The following IL15 variants were observed in gnomAD, a reference collection of about 807,000 sequenced individuals.
The protein encoded by IL15 is interleukin 15, also known as interleukin-15.
In IL15, 11 loss-of-function variants were observed where a neutral mutation model predicts 19.6. The ratio of observed to expected loss-of-function variants is 0.56; its 90% CI spans 0.35 to 0.93. IL15 has a LOEUF of 0.93. Ranked by LOEUF, IL15 falls within the 40% of genes least tolerant of loss-of-function variation. The pLI is 0.01. For synonymous variants in IL15, 58 were observed against 59.6 expected (o/e 0.97, Z 0.12); for missense variants, 197 against 186.5 (o/e 1.06, Z -0.33).
Position 141,721,290 on chromosome 4 carries a change from T to G in IL15, c.111-634T>G, listed in dbSNP as rs1050270661. Reference sequence around the variant, plus strand: ...GCTCTAAGCATCATTCCAATGTTACTTGGTCAGTATAAGTGTATTTTGTCT... The same window carrying G: ...GCTCTAAGCATCATTCCAATGTTACGTGGTCAGTATAAGTGTATTTTGTCT... On this transcript the variant is annotated intron_variant, in intron 4 of 7. Transcript: ENST00000320650. 4.1e-5 allele frequency: 28 copies of G among 682,226 alleles called. No homozygotes were observed. The East Asian group carries it at 7.5e-4, about 18-fold the overall frequency. The allele number at this position is 682,226 out of a possible 1,614,324, so 42.3% of individuals were successfully genotyped here. A position where few individuals can be genotyped will look rare whatever the true frequency, so the allele number is the denominator to read the frequency against.
At chr4:141,710,840 A>G (rs1024422904) in intron 2 of IL15, among the ~76,000 whole-genome samples, 1 of 152,106 alleles carries the variant, frequency 6.6e-6, no homozygotes, top group Admixed American at 6.6e-5. Context: ...ATTAATTAGC[A>G]TAAGTGTATT....
intron 1 of IL15, among the ~76,000 whole-genome samples, chr4:141,638,378 C>T (rs1726931237): frequency 6.6e-6 from 1 of 152,184 alleles, no homozygotes; most frequent in Non-Finnish European, 1.5e-5. Flanking sequence ...GTCTCTCCTG[C>T]AGTATCATCT....
At chr4:141,726,612 A>G (rs966733292) in intron 5 of IL15, among the ~76,000 whole-genome samples, 1 of 152,318 alleles carries the variant, frequency 6.6e-6, no homozygotes, top group South Asian at 2.1e-4. Context: ...TCCTTGATAA[A>G]TGAAAACTAC....
intron 2 of IL15, among the ~76,000 whole-genome samples, chr4:141,675,110 AT>A (rs1728298958): frequency 6.6e-6 from 1 of 152,124 alleles, no homozygotes; most frequent in Admixed American, 6.5e-5. Flanking sequence ...TTTTTTAAAA[AT>A]AATTATATTG....
At chr4:141,653,185 TAAAAA>T (rs1578991170) in intron 1 of IL15, among the ~76,000 whole-genome samples, 1 of 152,114 alleles carries the variant, frequency 6.6e-6, no homozygotes, top group Admixed American at 6.5e-5. Context: ...ATAATTCAAT[TAAAAA>T]AATTATTTAC....
intron 2 of IL15, among the ~76,000 whole-genome samples, chr4:141,680,766 A>G (rs541322320): frequency 6.6e-6 from 1 of 152,308 alleles, no homozygotes; most frequent in African/African-American, 2.4e-5. Context: ...ACTGTACACT[A>G]GAGCCAAGTT....
At chr4:141,691,404 TC>T (rs1728906994) in intron 2 of IL15, among the ~76,000 whole-genome samples, 1 of 151,970 alleles carries the variant, frequency 6.6e-6, no homozygotes, top group East Asian at 1.9e-4. Context: ...TTCCCAACAC[TC>T]CCCCAATGTG....
chr4:141,731,663 T>C (rs1347865954), intron 7 of IL15, among the ~76,000 whole-genome samples: 1 of 152,184 alleles, frequency 6.6e-6, no homozygotes, highest in African/African-American at 2.4e-5. Context: ...TCAGTTGAGA[T>C]GAGTCAATAT....
At chr4:141,656,047 C>T (rs1727582185) in intron 1 of IL15, 139 bp from the exon 2 acceptor site, 2 of 393,762 alleles carry the variant, frequency 5.1e-6, no homozygotes, top group South Asian at 1.4e-4. Flanking sequence ...TCAGTCTTGA[C>T]TTATGCAGTT....
chr4:141,687,927 G>A (rs1017686500), intron 2 of IL15, among the ~76,000 whole-genome samples: 4 of 152,118 alleles, frequency 2.6e-5, no homozygotes, highest in Admixed American at 2.6e-4. Flanking sequence ...AGTGGATACC[G>A]TTCTGTGTCC....
chr4:141,704,666 G>T (rs1202011351), intron 2 of IL15: 4 of 272,282 alleles, frequency 1.5e-5, no homozygotes, highest in Non-Finnish European at 3.0e-5. Flanking sequence ...GAAGCTTTCA[G>T]GTCCTGGTCT....
rs940243134 is a variant in IL15 at position 141,719,386 on chromosome 4, G to A, written c.-79G>A. 6 of 729,292 alleles carry A rather than the reference G, an allele frequency of 8.2e-6. No individual in the cohort carries two copies. Among genetic ancestry groups the A allele is most frequent in the Non-Finnish European group, 1.5e-5 (6 of 399,698 alleles). 45.2% of individuals were successfully genotyped at this position (729,292 alleles called of 1,614,324 possible). A position where few individuals can be genotyped will look rare whatever the true frequency, so the allele number is the denominator to read the frequency against. ...CCTAGATTGTATTGTAGGAGGCATT[G>A]TGGATGGATGGCTGCTGGAAACCCC... On this transcript the variant is annotated 5_prime_UTR_variant, in exon 3 of 8. The change creates a new upstream start codon in the 5' untranslated region. Coordinates refer to ENST00000320650, the MANE Select transcript of IL15 (RefSeq NM_000585.5).
In IL15 at chr4:141,733,062, T is replaced by C; in HGVS notation, c.*214T>C. ...ACTATGAACTTCTCTCAGACTTACT[T>C]TACTCATTTTTTTAATTTATTATTG... On this transcript the variant is annotated 3_prime_UTR_variant, in exon 8 of 8. Coordinates refer to ENST00000320650, the MANE Select transcript of IL15 (RefSeq NM_000585.5). 4.1e-6 allele frequency: 2 copies of C among 484,058 alleles called. No homozygotes were observed. The highest frequency in any genetic ancestry group is 6.4e-6 in the Non-Finnish European group (2 of 312,800). The allele number at this position is 484,058 out of a possible 1,614,324, so 30.0% of individuals were successfully genotyped here.
At chr4:141,685,816 A>C (rs72946476) in intron 2 of IL15, among the ~76,000 whole-genome samples, 9 of 152,322 alleles carry the variant, frequency 5.9e-5, no homozygotes, top group African/African-American at 2.2e-4. Flanking sequence ...CACTTGGCAG[A>C]TCAGAATGTT....
intron 2 of IL15, among the ~76,000 whole-genome samples, chr4:141,709,524 G>C (rs1729642847): frequency 6.6e-6 from 1 of 151,910 alleles, no homozygotes; most frequent in Non-Finnish European, 1.5e-5. Flanking sequence ...GTATAGTGAG[G>C]TTTTTATACA....
intron 1 of IL15, among the ~76,000 whole-genome samples, chr4:141,653,399 A>T (rs1727477780): frequency 6.6e-6 from 1 of 152,190 alleles, no homozygotes; most frequent in Non-Finnish European, 1.5e-5. Context: ...TTATGAGTGG[A>T]TAATACATTA....
In IL15 at chr4:141,729,918, T is replaced by G; in HGVS notation, c.312T>G (p.Asp104Glu). 1 of 1,583,484 alleles carries G rather than the reference T, an allele frequency of 6.3e-7. No individual in the cohort carries two copies. Among genetic ancestry groups the G allele is most frequent in the Non-Finnish European group, 8.7e-7 (1 of 1,152,202 alleles). Residue 104 changes from aspartate (D) to glutamate (E), a missense_variant, in exon 7 of 8, where the codon GAT becomes GAG. Asp to Glu is a conservative substitution (Grantham distance 45). Transcript: ENST00000320650. ...AAGTTATTTCACTTGAGTCCGGAGATGCAAGTATTCATGATACAGTAGAAA... is the reference window on the plus strand; with the variant it reads ...AAGTTATTTCACTTGAGTCCGGAGAGGCAAGTATTCATGATACAGTAGAAA... Reference protein sequence around the residue: ...ELQVISLESGDASIHDTVENL... With the variant: ...ELQVISLESGEASIHDTVENL...
intron 2 of IL15, among the ~76,000 whole-genome samples, chr4:141,661,607 G>A (rs866491125): frequency 1.3e-5 from 2 of 152,056 alleles, no homozygotes; most frequent in African/African-American, 2.4e-5. Flanking sequence ...ATGGAGATGC[G>A]GACAAGTTAA....
chr4:141,656,679 G>A (rs1727614500), intron 2 of IL15, among the ~76,000 whole-genome samples: 1 of 152,084 alleles, frequency 6.6e-6, no homozygotes, highest in South Asian at 2.1e-4. Context: ...GATGAGGGTT[G>A]GCCTCTGGGT....
Sources: gnomAD v4.1 joint callset for allele counts (sites outside exome capture counted in the v4.1 genomes callset) on GRCh38, gnomAD v4.1.1 for gene constraint, MANE v1.5 for transcripts, NCBI Gene and HGNC (gene_info 2026-07-23, HGNC 2026-07-21) for gene names.